The following GBF1 variants were observed in gnomAD, a reference collection of about 807,000 sequenced individuals.
The protein encoded by GBF1 is golgi brefeldin A resistant guanine nucleotide exchange factor 1.
A neutral mutation model predicts 210.5 loss-of-function variants in GBF1; 114 were observed. The ratio of observed to expected loss-of-function variants is 0.54; its 90% CI spans 0.47 to 0.63. The LOEUF (loss-of-function observed/expected upper bound fraction) is 0.63. GBF1 is among the 30% of genes least tolerant of loss of function. The pLI is 0.00. For synonymous variants in GBF1, 850 were observed against 889.2 expected (o/e 0.96, Z 0.78); for missense variants, 1,851 against 2,357.7 (o/e 0.79, Z 4.45).
At chr10:102,295,799 C>T (rs73346852) in intron 3 of GBF1, among the ~76,000 whole-genome samples, 8,279 of 151,996 alleles carry the variant, frequency 0.054, 714 homozygotes, top group African/African-American at 0.19. Flanking sequence ...CCAGATTAAG[C>T]GAGAATAGAG....
intron 3 of GBF1, among the ~76,000 whole-genome samples, chr10:102,271,881 A>G (rs1158439974): frequency 6.6e-6 from 1 of 151,438 alleles, no homozygotes; most frequent in Non-Finnish European, 1.5e-5. Flanking sequence ...CCTCCCAAGT[A>G]GCTGGGACTA....
At chr10:102,291,155 T>A (rs1360051174) in intron 3 of GBF1, among the ~76,000 whole-genome samples, 1 of 152,128 alleles carries the variant, frequency 6.6e-6, no homozygotes, top group Non-Finnish European at 1.5e-5. Context: ...TTTCTATTAC[T>A]ATGAGCTATT....
At chr10:102,287,950 T>C (rs888749157) in intron 3 of GBF1, among the ~76,000 whole-genome samples, 3 of 152,184 alleles carry the variant, frequency 2.0e-5, no homozygotes, top group Non-Finnish European at 4.4e-5. Context: ...TTTTTTTAAT[T>C]TGAAAAATTT....
chr10:102,370,712 G>T lies in GBF1; in HGVS notation c.3512G>T (p.Arg1171Leu), dbSNP rs367953312. 6.2e-7 allele frequency: 1 copy of T among 1,613,844 alleles called. No individual in the cohort carries two copies. The highest frequency in any genetic ancestry group is 8.5e-7 in the Non-Finnish European group (1 of 1,179,740). Reference protein sequence around the residue: ...LLRIVLENRDRVGCVWQTVRD... With the variant: ...LLRIVLENRDLVGCVWQTVRD... ...ATTCCTTTATGTCTACACAGGGATC[G>T]TGTGGGCTGTGTGTGGCAGACTGTT... Residue 1171 changes from arginine to leucine, a missense_variant, in exon 29 of 40, where the codon CGT (arginine) becomes CTT (leucine). By Grantham distance (102) the Arg-to-Leu change is moderately radical. Coordinates refer to ENST00000369983, the MANE Select transcript of GBF1 (RefSeq NM_001377137.1).
chr10:102,342,409 TCACA>T (rs1026095307), intron 3 of GBF1, among the ~76,000 whole-genome samples: 10 of 146,460 alleles, frequency 6.8e-5, no homozygotes, highest in South Asian at 2.1e-4. Context: ...ACACACACAC[TCACA>T]CACAGACACA....
chr10:102,277,607 G>A (rs754895332), intron 3 of GBF1, among the ~76,000 whole-genome samples: 46 of 152,132 alleles, frequency 3.0e-4, no homozygotes, highest in Non-Finnish European at 2.5e-4. Flanking sequence ...TCGAACTCAT[G>A]ACCACAGGTG....
intron 3 of GBF1, among the ~76,000 whole-genome samples, chr10:102,322,289 T>C (rs972332215): frequency 6.6e-6 from 1 of 152,234 alleles, no homozygotes; most frequent in African/African-American, 2.4e-5. Flanking sequence ...AAACATAAAT[T>C]AGTATGGAGA....
chr10:102,353,643 A>G lies in GBF1; in HGVS notation c.628A>G (p.Asn210Asp). 6.2e-7 allele frequency: 1 copy of G among 1,609,386 alleles called. No individual in the cohort carries two copies. The highest frequency in any genetic ancestry group is 8.5e-7 in the Non-Finnish European group (1 of 1,175,638). The change falls in exon 8 of 40, where the codon AAC (asparagine) becomes GAC (aspartate). Residue 210 changes from asparagine to aspartate, a missense_variant. Around this residue, in one of 3 missense-constraint regions of GBF1, gnomAD observed 804 missense variants for 958.6 expected, o/e 0.84. Transcript: ENST00000369983. ...AGAACCCAAGAACTATGTGGGGACC[A>G]ACATGAAGAAGGTATGATCTGAGAG... The part of the protein sequence containing the change: ...KEEPKNYVGT[N>D]MKKLKMRAGG...
intron 3 of GBF1, among the ~76,000 whole-genome samples, chr10:102,299,423 T>G (rs2077158656): frequency 6.6e-6 from 1 of 152,176 alleles, no homozygotes; most frequent in Admixed American, 6.5e-5. Context: ...GTACATGTGT[T>G]AAAACTCATA....
chr10:102,324,646 G>A (rs1348850077), intron 3 of GBF1, among the ~76,000 whole-genome samples: 1 of 152,062 alleles, frequency 6.6e-6, no homozygotes, highest in Non-Finnish European at 1.5e-5. Context: ...GAGTGCAGTG[G>A]CGCAATCTTG....
At chr10:102,361,985 G>A in intron 14 of GBF1, 73 bp downstream of exon 14, 1 of 694,964 alleles carries the variant, frequency 1.4e-6, no homozygotes, top group Non-Finnish European at 2.2e-6. Flanking sequence ...TAGTGAGGAT[G>A]TTACATACAG....
At chr10:102,353,578 TG>T in intron 7 of GBF1, 21 bp from the exon 8 acceptor site, 5 of 1,546,320 alleles carry the variant, frequency 3.2e-6, no homozygotes, top group Non-Finnish European at 3.6e-6. Flanking sequence ...TAATGACAGT[TG>T]ATGGATTTTC....
Position 102,332,339 on chromosome 10 carries a change from G to T in GBF1, c.164-11712G>T, listed in dbSNP as rs1439610831. On this transcript the variant is annotated intron_variant, in intron 3 of 39. Transcript: ENST00000369983. ...ATATTTTTGATCTGTGGTTGATCGT[G>T]TACACTGATGTTGGATCCACAGACA... Among the ~76,000 whole-genome samples, 4 of 150,910 alleles carry T rather than the reference G, an allele frequency of 2.7e-5. No individual in the cohort carries two copies. In the East Asian group the frequency reaches 7.8e-4, roughly 29 times the overall value.
chr10:102,231,211 A>G, the GBF1 span: 2 of 1,080,000 alleles, frequency 1.9e-6, no homozygotes, highest in Non-Finnish European at 2.6e-6. Flanking sequence ...AATAAACGAG[A>G]TGAGGTGGCT....
At chr10:102,323,423 A>T (rs1450237255) in intron 3 of GBF1, among the ~76,000 whole-genome samples, 1 of 152,102 alleles carries the variant, frequency 6.6e-6, no homozygotes, top group Non-Finnish European at 1.5e-5. Flanking sequence ...GAGGGGTGGC[A>T]CTGTAAGGGA....
chr10:102,282,340 A>G (rs2075580163), intron 3 of GBF1, among the ~76,000 whole-genome samples: 1 of 151,996 alleles, frequency 6.6e-6, no homozygotes, highest in Admixed American at 6.6e-5. Flanking sequence ...ATTAAGTAAC[A>G]TTTTCAAGGT....
At chr10:102,301,631 C>T (rs1206136189) in intron 3 of GBF1, among the ~76,000 whole-genome samples, 5 of 132,324 alleles carry the variant, frequency 3.8e-5, no homozygotes, top group African/African-American at 1.5e-4. Flanking sequence ...CAGACGGGGT[C>T]GCGGCCGGGC....
chr10:102,260,278 C>A (rs1443630571), intron 3 of GBF1, among the ~76,000 whole-genome samples, 162 bp downstream of exon 3: 1 of 152,006 alleles, frequency 6.6e-6, no homozygotes, highest in African/African-American at 2.4e-5. Context: ...CTTTGTAGCT[C>A]AAAAGCAGCC....
At position 102,307,570 on chromosome 10, in the gene GBF1, C is replaced by T. The variant is rs191890084; in HGVS notation, c.164-36481C>T. ...CTTTGGGAGGCCAAGGCAGGCGGAT[C>T]ACAAGGTCAGGAGATTGAGACCATC... is the stretch of plus-strand genomic sequence containing the variant. On this transcript the variant is annotated intron_variant, in intron 3 of 39. Coordinates refer to ENST00000369983, the MANE Select transcript of GBF1 (RefSeq NM_001377137.1). Among the ~76,000 whole-genome samples the T allele has an allele frequency of 1.5e-3, 221 of 152,116 alleles. 1 individual carries two copies. The highest frequency in any genetic ancestry group is 5.1e-3 in the African/African-American group (211 of 41,480).
Sources: allele counts gnomAD v4.1 joint callset (sites outside exome capture counted in the v4.1 genomes callset), GRCh38; gene constraint gnomAD v4.1.1; regional missense constraint gnomAD v4.1.1; transcripts MANE v1.5; gene names NCBI Gene and HGNC (gene_info 2026-07-23, HGNC 2026-07-21).